SCEL: variants seen among roughly 807,000 people sequenced by gnomAD.
SCEL encodes sciellin.
Under a neutral mutation model 117.6 loss-of-function variants are expected in SCEL, and 113 were observed. That is an observed-to-expected ratio of 0.96 (90% confidence interval 0.83 to 1.12). The LOEUF (loss-of-function observed/expected upper bound fraction) is 1.12. SCEL is among the 50% of genes most tolerant of loss of function. SCEL has a pLI of 0.00. For missense variants in SCEL, 785 were observed against 810.8 expected (o/e 0.97, Z 0.39); for synonymous variants, 270 against 256.2 (o/e 1.05, Z -0.51).
At chr13:77,582,188 GTGTT>G (rs925051589) in intron 9 of SCEL, among the ~76,000 whole-genome samples, 4 of 152,112 alleles carry the variant, frequency 2.6e-5, no homozygotes, top group Non-Finnish European at 2.9e-5. Context: ...ATGTTTGCAT[GTGTT>G]TGTTTGTCAT....
At chr13:77,564,320 A>C (rs190283351) in intron 5 of SCEL, among the ~76,000 whole-genome samples, 185 of 152,040 alleles carry the variant, frequency 1.2e-3, no homozygotes, top group Non-Finnish European at 2.1e-3. Context: ...ATAATACAAT[A>C]GTTTCAATCC....
At chr13:77,616,436 A>C (rs1196879459) in intron 24 of SCEL, among the ~76,000 whole-genome samples, 2 of 152,054 alleles carry the variant, frequency 1.3e-5, no homozygotes, top group Non-Finnish European at 2.9e-5. Flanking sequence ...ATCAATTTAC[A>C]TAAGGAGATT....
chr13:77,609,232 T>C (rs1480181357), intron 21 of SCEL, 115 bp downstream of exon 21: 3 of 835,034 alleles, frequency 3.6e-6, no homozygotes, highest in Non-Finnish European at 5.4e-6. Context: ...AGAAAAGCCA[T>C]GTAACCCTGC....
rs1181732185 is a variant in SCEL at position 77,572,169 on chromosome 13, G to C, written c.525G>C (p.Ser175=). 2 of 1,611,534 alleles carry C rather than the reference G, an allele frequency of 1.2e-6. No homozygotes were observed. The highest frequency in any genetic ancestry group is 1.7e-6 in the Non-Finnish European group (2 of 1,178,656). The change falls in exon 9 of 33, where the codon TCG becomes TCC. Residue 175 remains serine, a synonymous_variant. Coordinates refer to ENST00000349847, the MANE Select transcript of SCEL (RefSeq NM_144777.3). ...PPPPPGYNAS[S]STGTRRREPG... Reference sequence around the variant, plus strand: ...CCCCTCCAGGTTACAATGCCTCCTCGAGCACAGGAACCAGGAGACGGTAAG... The same window carrying C: ...CCCCTCCAGGTTACAATGCCTCCTCCAGCACAGGAACCAGGAGACGGTAAG...
intron 7 of SCEL, among the ~76,000 whole-genome samples, chr13:77,569,066 A>G (rs1431824127): frequency 6.6e-6 from 1 of 152,262 alleles, no homozygotes; most frequent in Non-Finnish European, 1.5e-5. Flanking sequence ...AATCACAGGA[A>G]TAAAAGAAAT....
At chr13:77,574,165 C>T (rs1200433323) in intron 9 of SCEL, among the ~76,000 whole-genome samples, 1 of 152,176 alleles carries the variant, frequency 6.6e-6, no homozygotes, top group African/African-American at 2.4e-5. Flanking sequence ...GGTTATATAA[C>T]AGTGTAAAAC....
chr13:77,616,409 TTA>T (rs1171368040), intron 24 of SCEL, among the ~76,000 whole-genome samples: 1 of 152,086 alleles, frequency 6.6e-6, no homozygotes, highest in Non-Finnish European at 1.5e-5. Flanking sequence ...CAGTTTAGTT[TTA>T]TGACAGATTT....
At chr13:77,640,969 A>G (rs534108307) in intron 31 of SCEL, among the ~76,000 whole-genome samples, 185 bp downstream of exon 31, 1 of 152,176 alleles carries the variant, frequency 6.6e-6, no homozygotes, top group African/African-American at 2.4e-5. Flanking sequence ...TGTAATTACT[A>G]TCTTGGCTTT....
chr13:77,593,244 G>A (rs2086979345), intron 11 of SCEL, among the ~76,000 whole-genome samples: 1 of 144,924 alleles, frequency 6.9e-6, no homozygotes, highest in Non-Finnish European at 1.5e-5. Context: ...ACACCCAGGT[G>A]GAATAACAGA....
Position 77,644,480 on chromosome 13 carries a change from T to C in SCEL, c.*206T>C. The C allele has an allele frequency of 9.3e-6, 5 of 538,328 alleles. No homozygotes were observed. The South Asian group carries it at 1.2e-4, about 13-fold the overall frequency. 33.3% of individuals were successfully genotyped at this position (538,328 alleles called of 1,614,324 possible). A position where few individuals can be genotyped will look rare whatever the true frequency, so the allele number is the denominator to read the frequency against. On this transcript the variant is annotated 3_prime_UTR_variant, in exon 33 of 33. Coordinates refer to ENST00000349847, the MANE Select transcript of SCEL (RefSeq NM_144777.3). The stretch of plus-strand genomic sequence containing the variant: ...AGAGCCATCTGGTCTCTGGCTAGAG[T>C]TAGCAATAAAAAGTTCAAATGGTTC...
At chr13:77,566,732 C>A (rs533213611) in intron 5 of SCEL, among the ~76,000 whole-genome samples, 4 of 152,216 alleles carry the variant, frequency 2.6e-5, no homozygotes, top group African/African-American at 9.6e-5. Context: ...ACTCAGGGAC[C>A]TAAGTTCTTT....
At chr13:77,579,061 T>C (rs2086119211) in intron 9 of SCEL, among the ~76,000 whole-genome samples, 1 of 152,114 alleles carries the variant, frequency 6.6e-6, no homozygotes, top group South Asian at 2.1e-4. Flanking sequence ...TAAGGTGTAA[T>C]GAGAGGTAGG....
intron 11 of SCEL, among the ~76,000 whole-genome samples, chr13:77,593,128 G>A (rs887295948): frequency 1.3e-5 from 2 of 152,104 alleles, no homozygotes; most frequent in African/African-American, 4.8e-5. Context: ...CAGTTAAATG[G>A]ATTTTGTTTT....
chr13:77,581,276 T>C (rs948061983), intron 9 of SCEL, among the ~76,000 whole-genome samples: 5 of 152,188 alleles, frequency 3.3e-5, no homozygotes, highest in Admixed American at 1.3e-4. Context: ...AATATTAGCC[T>C]GAGTTTAAGT....
chr13:77,638,285 G>A (rs951863220), intron 30 of SCEL, among the ~76,000 whole-genome samples: 2 of 151,986 alleles, frequency 1.3e-5, no homozygotes, highest in Non-Finnish European at 2.9e-5. Flanking sequence ...GCAATGCTTT[G>A]CTGAGTGTCT....
At chr13:77,638,013 A>C (rs2090386390) in intron 30 of SCEL, among the ~76,000 whole-genome samples, 1 of 152,248 alleles carries the variant, frequency 6.6e-6, no homozygotes, top group South Asian at 2.1e-4. Flanking sequence ...CCCTGGAAAC[A>C]AGCCATCATG....
At chr13:77,565,046 A>G (rs767710390) in intron 5 of SCEL, among the ~76,000 whole-genome samples, 1 of 152,188 alleles carries the variant, frequency 6.6e-6, no homozygotes, top group Non-Finnish European at 1.5e-5. Flanking sequence ...AGGAAACCCT[A>G]TTTCTAGGAA....
intron 3 of SCEL, among the ~76,000 whole-genome samples, chr13:77,558,620 C>T (rs1007324076): frequency 4.0e-5 from 6 of 151,672 alleles, no homozygotes; most frequent in Admixed American, 6.6e-5. Flanking sequence ...TTGAGACCAG[C>T]CTGGCCAACA....
chr13:77,629,407 T>G (rs1438348917), intron 28 of SCEL, among the ~76,000 whole-genome samples: 1 of 152,162 alleles, frequency 6.6e-6, no homozygotes, highest in African/African-American at 2.4e-5. Context: ...TTTTGGCTTC[T>G]TTGTAACTTC....
Sources: gnomAD v4.1 joint callset for allele counts (sites outside exome capture counted in the v4.1 genomes callset) on GRCh38, gnomAD v4.1.1 for gene constraint, MANE v1.5 for transcripts, NCBI Gene and HGNC (gene_info 2026-07-23, HGNC 2026-07-21) for gene names.